RFX7: variants seen among roughly 807,000 people sequenced by gnomAD.
RFX7 encodes the protein DNA-binding protein RFX7.
Under a neutral mutation model 111.8 loss-of-function variants are expected in RFX7, and 26 were observed. The ratio of observed to expected loss-of-function variants is 0.23; its 90% confidence interval spans 0.17 to 0.32. The LOEUF (loss-of-function observed/expected upper bound fraction) is 0.32, where lower values mean the gene tolerates loss of function less well. Ranked by LOEUF, RFX7 falls within the 10% of genes least tolerant of loss-of-function variation. The pLI is 1.00. For synonymous variants in RFX7, 624 were observed against 624.4 expected (o/e 1.00, Z 0.01); for missense variants, 1,573 against 1,772.9 (o/e 0.89, Z 2.02).
chr15:56,228,663 AACTTTT>A (rs1417857711), intron 2 of RFX7, among the ~76,000 whole-genome samples: 3 of 152,198 alleles, frequency 2.0e-5, no homozygotes, highest in African/African-American at 7.2e-5. Flanking sequence ...CAATACTTTA[AACTTTT>A]AAAATGAGGC....
chr15:56,165,365 A>T (rs2042771040), intron 3 of RFX7, among the ~76,000 whole-genome samples: 1 of 152,222 alleles, frequency 6.6e-6, no homozygotes, highest in Non-Finnish European at 1.5e-5. Flanking sequence ...CCCTGGAAGG[A>T]ACCTGACTCA....
chr15:56,224,023 T>TC (rs1295717206), intron 2 of RFX7, among the ~76,000 whole-genome samples: 2 of 147,308 alleles, frequency 1.4e-5, no homozygotes, highest in East Asian at 4.8e-4. Context: ...TAATAAGCAG[T>TC]CTTTTTTTTT....
intron 2 of RFX7, among the ~76,000 whole-genome samples, chr15:56,197,120 T>A (rs190893710): frequency 2.2e-4 from 33 of 152,320 alleles, no homozygotes; most frequent in South Asian, 1.0e-3. Flanking sequence ...GCATTTTTTT[T>A]AATCAGTGAT....
At chr15:56,227,634 A>G (rs1266677550) in intron 2 of RFX7, among the ~76,000 whole-genome samples, 2 of 152,180 alleles carry the variant, frequency 1.3e-5, no homozygotes, top group African/African-American at 4.8e-5. Context: ...AGTACCTTAG[A>G]GTATTCTCAA....
chr15:56,122,190 C>T (rs1375491387), intron 5 of RFX7, among the ~76,000 whole-genome samples: 9 of 152,082 alleles, frequency 5.9e-5, no homozygotes, highest in Non-Finnish European at 4.4e-5. Flanking sequence ...TTCGAAGGGA[C>T]TTTTGTGCCG....
At chr15:56,168,633 C>T (rs932123733) in intron 3 of RFX7, among the ~76,000 whole-genome samples, 2 of 152,162 alleles carry the variant, frequency 1.3e-5, no homozygotes, top group African/African-American at 4.8e-5. Flanking sequence ...TTTTCTTCCT[C>T]TGGTTTAGAC....
At chr15:56,157,174 T>A (rs2042663547) in intron 3 of RFX7, among the ~76,000 whole-genome samples, 1 of 152,254 alleles carries the variant, frequency 6.6e-6, no homozygotes. Context: ...CTATTCACTT[T>A]GTTTTTGAAG....
chr15:56,188,493 G>A (rs2043065076), intron 2 of RFX7, among the ~76,000 whole-genome samples: 1 of 151,982 alleles, frequency 6.6e-6, no homozygotes, highest in Non-Finnish European at 1.5e-5. Context: ...ATTGTCAAAA[G>A]GATCAAAAAA....
At chr15:56,172,270 G>C (rs915085851) in intron 3 of RFX7, among the ~76,000 whole-genome samples, 3 of 152,146 alleles carry the variant, frequency 2.0e-5, no homozygotes, top group Non-Finnish European at 2.9e-5. Context: ...TGAGGCATGA[G>C]ACTAATTCAA....
intron 5 of RFX7, among the ~76,000 whole-genome samples, chr15:56,134,790 G>A (rs190844944): frequency 1.9e-3 from 295 of 151,998 alleles, no homozygotes; most frequent in Non-Finnish European, 3.1e-3. Flanking sequence ...ACAGTCCCCA[G>A]AGCGTTATAT....
chr15:56,113,863 G>A (rs945144898), intron 5 of RFX7, among the ~76,000 whole-genome samples: 27 of 152,144 alleles, frequency 1.8e-4, no homozygotes, highest in African/African-American at 6.5e-4. Flanking sequence ...TAAAGGATAT[G>A]GGAATTTTGG....
chr15:56,191,626 C>T (rs2141163610), intron 2 of RFX7, among the ~76,000 whole-genome samples: 1 of 152,072 alleles, frequency 6.6e-6, no homozygotes, highest in East Asian at 1.9e-4. Flanking sequence ...CAAATTTTGA[C>T]AGACTAAAAG....
rs1339867507 is a variant in RFX7, at chr15:56,093,912, G to A, written c.3816C>T (p.Asn1272=). ...DDAVRGLGMN[N]LPSNYTARMN... is the part of the protein sequence containing the mutation. The stretch of plus-strand genomic sequence containing the variant: ...TCCGGGCTGTATAATTAGAGGGCAG[G>A]TTGTTCATTCCCAAACCTCTCACTG... Residue 1272 remains asparagine, a synonymous_variant, in exon 10 of 10, where the codon AAC becomes AAT. Coordinates refer to ENST00000559447, the MANE Select transcript of RFX7 (RefSeq NM_022841.7). 1.7e-5 allele frequency: 28 copies of A among 1,613,902 alleles called. No individual in the cohort carries two copies. The highest frequency in any genetic ancestry group is 2.2e-5 in the East Asian group (1 of 44,876).
At chr15:56,219,333 A>G (rs1402055813) in intron 2 of RFX7, among the ~76,000 whole-genome samples, 2 of 152,200 alleles carry the variant, frequency 1.3e-5, no homozygotes, top group Non-Finnish European at 2.9e-5. Flanking sequence ...TTTGCTTAGT[A>G]CATGTTTTTT....
intron 5 of RFX7, among the ~76,000 whole-genome samples, chr15:56,131,110 TA>T (rs200498255): frequency 5.5e-4 from 78 of 142,012 alleles, no homozygotes; most frequent in Admixed American, 1.1e-3. Flanking sequence ...AAAGATAGCA[TA>T]AAAAAAAAAA....
chr15:56,109,532 C>G (rs1420316940), intron 5 of RFX7, among the ~76,000 whole-genome samples: 3 of 151,950 alleles, frequency 2.0e-5, no homozygotes, highest in African/African-American at 7.2e-5. Flanking sequence ...AGGAGCCCCT[C>G]TGCCTGGCTG....
chr15:56,109,730 C>T (rs868215129), intron 5 of RFX7, among the ~76,000 whole-genome samples: 335 of 131,758 alleles, frequency 2.5e-3, no homozygotes, highest in Middle Eastern at 3.8e-3. Flanking sequence ...CGTCTCTGCC[C>T]GGCCGCCCCG....
chr15:56,197,567 T>C (rs1376135054), intron 2 of RFX7, among the ~76,000 whole-genome samples: 1 of 152,118 alleles, frequency 6.6e-6, no homozygotes, highest in African/African-American at 2.4e-5. Context: ...TCCCTTCCCT[T>C]GCACACAAGG....
intron 2 of RFX7, among the ~76,000 whole-genome samples, chr15:56,211,105 T>C (rs1299144787): frequency 6.6e-6 from 1 of 152,078 alleles, no homozygotes; most frequent in Non-Finnish European, 1.5e-5. Context: ...AAAAGGGCTA[T>C]AGCTGTTAAA....
Sources: allele counts gnomAD v4.1 joint callset (sites outside exome capture counted in the v4.1 genomes callset), GRCh38; gene constraint gnomAD v4.1.1; transcripts MANE v1.5; gene names NCBI Gene and HGNC (gene_info 2026-07-23, HGNC 2026-07-21).